The following INPP4B variants were observed in gnomAD, a reference collection of about 807,000 sequenced individuals.
INPP4B encodes the protein inositol polyphosphate 4-phosphatase type II.
A neutral mutation model predicts 122.5 loss-of-function variants in INPP4B; 55 were observed. The ratio of observed to expected loss-of-function variants is 0.45; its 90% CI spans 0.36 to 0.56. INPP4B has a LOEUF of 0.56. INPP4B is among the 20% of genes least tolerant of loss of function. The probability of loss-of-function intolerance (pLI) is 0.00; values close to 1 mark genes in which losing one functional copy is unlikely to be tolerated. For synonymous variants in INPP4B, 403 were observed against 388.7 expected (o/e 1.04, Z -0.43); for missense variants, 1,000 against 1,097.7 (o/e 0.91, Z 1.26).
At chr4:142,654,436 TTCCTC>T (rs1289722577) in intron 2 of INPP4B, 1 of 151,536 alleles carries the variant, frequency 6.6e-6, no homozygotes, top group African/African-American at 2.4e-5. Flanking sequence ...ATTGGTCACT[TTCCTC>T]TGCTCTTCAC....
intron 2 of INPP4B, among the ~76,000 whole-genome samples, chr4:142,687,559 CAAAA>C (rs3080815): frequency 3.2e-4 from 32 of 100,556 alleles, no homozygotes; most frequent in Non-Finnish European, 4.7e-4. Context: ...ATCCTTCCTC[CAAAA>C]AAAAAAAAAA....
intron 7 of INPP4B, among the ~76,000 whole-genome samples, chr4:142,397,300 T>G (rs992168915): frequency 6.6e-6 from 1 of 152,012 alleles, no homozygotes; most frequent in South Asian, 2.1e-4. Context: ...AGTACACATT[T>G]TAAAAAAGGA....
At chr4:142,173,944 T>C (rs991311884) in intron 15 of INPP4B, 135 bp from the exon 16 acceptor site, 2 of 737,530 alleles carry the variant, frequency 2.7e-6, no homozygotes, top group Non-Finnish European at 4.5e-6. Flanking sequence ...TAAGAGATTT[T>C]TAATGATGCA....
At chr4:142,029,330 G>T (rs1738353830) in intron 25 of INPP4B, 3 of 984,838 alleles carry the variant, frequency 3.0e-6, no homozygotes, top group South Asian at 4.7e-5. Flanking sequence ...AATTTATTAA[G>T]TCTGGCCCTA....
chr4:142,638,310 A>G (rs1266199068), intron 2 of INPP4B, among the ~76,000 whole-genome samples: 1 of 152,142 alleles, frequency 6.6e-6, no homozygotes, highest in East Asian at 1.9e-4. Context: ...ACTTCTAGGC[A>G]TTTTATAGTT....
intron 7 of INPP4B, among the ~76,000 whole-genome samples, chr4:142,339,636 C>T (rs780017414): frequency 6.6e-6 from 1 of 152,118 alleles, no homozygotes; most frequent in Non-Finnish European, 1.5e-5. Flanking sequence ...CCCTCTTGTT[C>T]ATTCATTTTC....
At chr4:142,660,613 C>A (rs957626195) in intron 2 of INPP4B, among the ~76,000 whole-genome samples, 9 of 152,066 alleles carry the variant, frequency 5.9e-5, no homozygotes, top group Non-Finnish European at 1.3e-4. Flanking sequence ...ACCCAGAAGC[C>A]CAACATGCCA....
chr4:142,183,904 T>C (rs1831990084), intron 15 of INPP4B, among the ~76,000 whole-genome samples: 1 of 152,138 alleles, frequency 6.6e-6, no homozygotes, highest in Non-Finnish European at 1.5e-5. Flanking sequence ...CTAATCTTCT[T>C]GTTGATTTTT....
At chr4:142,648,967 G>T (rs181043038) in intron 2 of INPP4B, among the ~76,000 whole-genome samples, 1 of 152,172 alleles carries the variant, frequency 6.6e-6, no homozygotes, top group African/African-American at 2.4e-5. Context: ...ACCTCATATA[G>T]GTGGCTGCCC....
At chr4:142,360,988 A>G (rs547160702) in intron 7 of INPP4B, among the ~76,000 whole-genome samples, 1 of 151,936 alleles carries the variant, frequency 6.6e-6, no homozygotes, top group Non-Finnish European at 1.5e-5. Flanking sequence ...TTGCTCTTTG[A>G]GTGTCATCCT....
intron 7 of INPP4B, among the ~76,000 whole-genome samples, chr4:142,373,803 T>C (rs947157427): frequency 5.3e-5 from 8 of 151,982 alleles, no homozygotes; most frequent in African/African-American, 1.9e-4. Context: ...TTTGGCTATA[T>C]TCCCAGTTGA....
chr4:142,290,368 G>A (rs1755894573), intron 9 of INPP4B, among the ~76,000 whole-genome samples: 2 of 151,390 alleles, frequency 1.3e-5, no homozygotes, highest in Admixed American at 1.3e-4. Context: ...CACTGCTCTG[G>A]GCTTTCTTTT....
chr4:142,054,252 C>G (rs1453448434), intron 25 of INPP4B, among the ~76,000 whole-genome samples: 1 of 151,604 alleles, frequency 6.6e-6, no homozygotes, highest in Non-Finnish European at 1.5e-5. Context: ...ACCACAACAC[C>G]CTATTTTTTT....
At chr4:142,465,502 C>A (rs796450191) in intron 2 of INPP4B, among the ~76,000 whole-genome samples, 5 of 152,252 alleles carry the variant, frequency 3.3e-5, no homozygotes, top group African/African-American at 1.2e-4. Context: ...GGGTGTTAAA[C>A]TGAATTGAAC....
intron 2 of INPP4B, among the ~76,000 whole-genome samples, chr4:142,667,335 T>C (rs1012344239): frequency 1.3e-5 from 2 of 152,212 alleles, no homozygotes; most frequent in Admixed American, 6.5e-5. Flanking sequence ...TATCTACATA[T>C]TGGAGGCTGC....
intron 11 of INPP4B, among the ~76,000 whole-genome samples, chr4:142,252,850 A>G (rs1733053037): frequency 6.6e-6 from 1 of 152,192 alleles, no homozygotes; most frequent in African/African-American, 2.4e-5. Flanking sequence ...TCCAATAGCT[A>G]AAAGAAATTT....
At chr4:142,118,458 G>A (rs1794879098) in intron 21 of INPP4B, among the ~76,000 whole-genome samples, 1 of 152,078 alleles carries the variant, frequency 6.6e-6, no homozygotes, top group South Asian at 2.1e-4. Context: ...ATAGACCAAT[G>A]GAACAGAACA....
chr4:142,484,893 A>AT (rs1450932246), intron 2 of INPP4B, among the ~76,000 whole-genome samples: 1 of 152,112 alleles, frequency 6.6e-6, no homozygotes, highest in African/African-American at 2.4e-5. Context: ...AATTGCAAAT[A>AT]GGGGTCCTGT....
chr4:142,114,482 T>C (rs10032328), intron 21 of INPP4B, among the ~76,000 whole-genome samples: 20,087 of 152,034 alleles, frequency 0.13, 1,476 homozygotes, highest in East Asian at 0.23. Context: ...GGAAATGGTA[T>C]CTGTGATTTT....
Sources: gnomAD v4.1 joint callset for allele counts (sites outside exome capture counted in the v4.1 genomes callset) on GRCh38, gnomAD v4.1.1 for gene constraint, MANE v1.5 for transcripts, NCBI Gene and HGNC (gene_info 2026-07-23, HGNC 2026-07-21) for gene names.